DOCK9: variants seen among roughly 807,000 people sequenced by gnomAD.
The protein encoded by DOCK9 is dedicator of cytokinesis 9.
DOCK9 carries 89 observed loss-of-function variants against 263.3 expected under a neutral mutation model. The observed-to-expected ratio is 0.34, with a 90% CI of 0.28 to 0.40. The LOEUF is 0.40. Ranked by LOEUF, DOCK9 falls within the 10% of genes least tolerant of loss-of-function variation. DOCK9 has a pLI of 1.00. For synonymous variants in DOCK9, 976 were observed against 973.1 expected (o/e 1.00, Z -0.06); for missense variants, 2,140 against 2,603.4 (o/e 0.82, Z 3.87).
chr13:98,907,454 G>C (rs779775330), intron 9 of DOCK9, among the ~76,000 whole-genome samples: 3 of 151,932 alleles, frequency 2.0e-5, no homozygotes, highest in Non-Finnish European at 2.9e-5. Flanking sequence ...TAATGAGCTC[G>C]GTATAATTAA....
At chr13:98,805,318 G>A (rs1270003975) in intron 48 of DOCK9, 109 bp from the exon 49 acceptor site, 16 of 984,202 alleles carry the variant, frequency 1.6e-5, no homozygotes, top group Non-Finnish European at 2.4e-5. Flanking sequence ...ACGGAGAGAA[G>A]AGTACAACAA....
intron 39 of DOCK9, among the ~76,000 whole-genome samples, chr13:98,832,440 T>C (rs1434847221): frequency 6.6e-6 from 1 of 152,182 alleles, no homozygotes; most frequent in East Asian, 1.9e-4. Flanking sequence ...ATCTGACGCA[T>C]ACTTTGGTCT....
At chr13:98,918,687 G>T (rs2051311515) in intron 7 of DOCK9, among the ~76,000 whole-genome samples, 2 of 152,170 alleles carry the variant, frequency 1.3e-5, no homozygotes, top group African/African-American at 2.4e-5. Flanking sequence ...AGTCAAGCAT[G>T]AATGCAAAAA....
At chr13:98,870,650 T>C (rs2094160743) in intron 27 of DOCK9, among the ~76,000 whole-genome samples, 1 of 152,174 alleles carries the variant, frequency 6.6e-6, no homozygotes, top group African/African-American at 2.4e-5. Context: ...AACATTATTA[T>C]AACTAAAAGT....
chr13:98,920,901 T>A, intron 7 of DOCK9, 53 bp downstream of exon 7: 1 of 1,508,938 alleles, frequency 6.6e-7, no homozygotes, highest in Non-Finnish European at 8.9e-7. Flanking sequence ...AATTTACACA[T>A]AAGCACTACT....
chr13:98,848,044 C>T (rs1175356409), intron 37 of DOCK9, among the ~76,000 whole-genome samples: 1 of 152,092 alleles, frequency 6.6e-6, no homozygotes, highest in Non-Finnish European at 1.5e-5. Flanking sequence ...GAACATGGAG[C>T]GTTTACCAAC....
At chr13:98,987,351 A>G (rs892159562) in intron 1 of DOCK9, among the ~76,000 whole-genome samples, 4 of 79,178 alleles carry the variant, frequency 5.1e-5, no homozygotes, top group African/African-American at 1.7e-4. Context: ...CTGAACAAAG[A>G]AAAAAACTCT....
intron 37 of DOCK9, among the ~76,000 whole-genome samples, chr13:98,848,215 G>A (rs2093448611): frequency 6.6e-6 from 1 of 152,184 alleles, no homozygotes; most frequent in South Asian, 2.1e-4. Flanking sequence ...CAGTCAAAAT[G>A]ACCTTGGAAA....
At chr13:98,983,497 G>T (rs1367676746) in intron 1 of DOCK9, among the ~76,000 whole-genome samples, 1 of 152,144 alleles carries the variant, frequency 6.6e-6, no homozygotes, top group East Asian at 1.9e-4. Context: ...AGATGTGGTG[G>T]CAGCCAGTGG....
chr13:99,037,296 A>G (rs966443394), intron 1 of DOCK9, among the ~76,000 whole-genome samples: 1 of 152,210 alleles, frequency 6.6e-6, no homozygotes, highest in East Asian at 1.9e-4. Flanking sequence ...AAAACCAATT[A>G]AAAAATACAA....
At chr13:98,930,676 G>T (rs2053771018) in intron 2 of DOCK9, among the ~76,000 whole-genome samples, 1 of 151,664 alleles carries the variant, frequency 6.6e-6, no homozygotes, top group African/African-American at 2.4e-5. Flanking sequence ...ATGGAGTCTT[G>T]CTCTGTTGCC....
chr13:98,934,688 T>C (rs1335062641), intron 2 of DOCK9, among the ~76,000 whole-genome samples: 1 of 152,194 alleles, frequency 6.6e-6, no homozygotes, highest in Non-Finnish European at 1.5e-5. Context: ...TACACTATGC[T>C]GCAATCTCAT....
chr13:98,820,184 C>T (rs2092176679), intron 45 of DOCK9, among the ~76,000 whole-genome samples: 1 of 152,198 alleles, frequency 6.6e-6, no homozygotes, highest in Admixed American at 6.5e-5. Context: ...TGTTTAAAGA[C>T]ATCTAACTAA....
intron 9 of DOCK9, among the ~76,000 whole-genome samples, chr13:98,911,799 T>C (rs1004074650): frequency 7.3e-5 from 11 of 151,628 alleles, no homozygotes; most frequent in African/African-American, 2.2e-4. Flanking sequence ...CAGTATTTTA[T>C]ATAAAAAATA....
At chr13:99,023,805 T>C (rs1315082141) in intron 1 of DOCK9, among the ~76,000 whole-genome samples, 1 of 152,222 alleles carries the variant, frequency 6.6e-6, no homozygotes, top group Non-Finnish European at 1.5e-5. Context: ...AAAGGGAAGA[T>C]AAGCTACAGG....
At chr13:99,044,143 G>A (rs1028594524) in intron 1 of DOCK9, among the ~76,000 whole-genome samples, 2 of 152,190 alleles carry the variant, frequency 1.3e-5, no homozygotes, top group African/African-American at 2.4e-5. Flanking sequence ...AACTGCTCAC[G>A]CGACACTGTT....
At chr13:99,072,315 C>T (rs767895247) in intron 1 of DOCK9, among the ~76,000 whole-genome samples, 3 of 152,128 alleles carry the variant, frequency 2.0e-5, no homozygotes, top group African/African-American at 7.2e-5. Flanking sequence ...GTCCTTATGG[C>T]CCCTGATTTA....
At chr13:98,859,932 C>T (rs2093813416) in intron 33 of DOCK9, 1 of 154,850 alleles carries the variant, frequency 6.5e-6, no homozygotes. Context: ...TGTTATTTCA[C>T]ACAGAAAAAG....
intron 1 of DOCK9, among the ~76,000 whole-genome samples, chr13:98,965,189 C>T (rs1414477778): frequency 6.6e-6 from 1 of 152,086 alleles, no homozygotes; most frequent in Non-Finnish European, 1.5e-5. Flanking sequence ...GGTGGAGAGA[C>T]ACACAGGAAG....
Sources: gnomAD v4.1 joint callset for allele counts (sites outside exome capture counted in the v4.1 genomes callset) on GRCh38, gnomAD v4.1.1 for gene constraint, MANE v1.5 for transcripts, NCBI Gene and HGNC (gene_info 2026-07-23, HGNC 2026-07-21) for gene names.